The following SPECC1 variants were observed in gnomAD, a reference collection of about 807,000 sequenced individuals.
The protein encoded by SPECC1 is cytospin-B.
Under a neutral mutation model 104.1 loss-of-function variants are expected in SPECC1, and 62 were observed. The ratio of observed to expected loss-of-function variants is 0.60; its 90% confidence interval spans 0.49 to 0.74. SPECC1 has a LOEUF of 0.74. Ranked by LOEUF, SPECC1 falls within the 30% of genes least tolerant of loss-of-function variation. The pLI is 0.00. For synonymous variants in SPECC1, 513 were observed against 501.6 expected, an observed-to-expected ratio of 1.02 and a Z score of -0.30; for missense variants, 1,306 against 1,310.5, an observed-to-expected ratio of 1.00 and a Z score of 0.05.
At chr17:20,208,483 A>G (rs1489429986) in intron 4 of SPECC1, among the ~76,000 whole-genome samples, 1 of 152,232 alleles carries the variant, frequency 6.6e-6, no homozygotes, top group East Asian at 1.9e-4. Context: ...TAATCTGCCA[A>G]CAACCATGAA....
intron 5 of SPECC1, among the ~76,000 whole-genome samples, chr17:20,230,045 G>C (rs551394852): frequency 3.2e-4 from 49 of 152,300 alleles, no homozygotes; most frequent in African/African-American, 1.2e-3. Flanking sequence ...TACTTGCTAA[G>C]TGTTATTCAG....
At chr17:20,076,670 T>C (rs1229814573) in intron 1 of SPECC1, among the ~76,000 whole-genome samples, 1 of 152,218 alleles carries the variant, frequency 6.6e-6, no homozygotes, top group African/African-American at 2.4e-5. Flanking sequence ...CTTATGTTTT[T>C]GGGTTGTATC....
At chr17:20,109,111 G>GGGTGA (rs1176378619) in intron 2 of SPECC1, among the ~76,000 whole-genome samples, 1 of 152,192 alleles carries the variant, frequency 6.6e-6, no homozygotes, top group African/African-American at 2.4e-5. Flanking sequence ...AACTATGGTG[G>GGGTGA]GGTGAGGGTG....
At chr17:20,293,731 C>G (rs910896089) in intron 12 of SPECC1, among the ~76,000 whole-genome samples, 5 of 152,332 alleles carry the variant, frequency 3.3e-5, no homozygotes, top group African/African-American at 4.8e-5. Flanking sequence ...AGCTATGCCC[C>G]GCTTCTGCAA....
chr17:20,270,874 C>G (rs1293104702), intron 12 of SPECC1, among the ~76,000 whole-genome samples: 1 of 152,176 alleles, frequency 6.6e-6, no homozygotes, highest in Non-Finnish European at 1.5e-5. Context: ...GATACACCTA[C>G]TCTTTTGATC....
chr17:20,281,066 A>C (rs953645343), intron 12 of SPECC1, among the ~76,000 whole-genome samples: 28 of 152,276 alleles, frequency 1.8e-4, no homozygotes, highest in African/African-American at 5.8e-4. Context: ...CTCGTTTGCC[A>C]GGGGCTTCAT....
At chr17:20,081,870 C>G (rs746292864) in intron 1 of SPECC1, among the ~76,000 whole-genome samples, 1 of 152,130 alleles carries the variant, frequency 6.6e-6, no homozygotes, top group Non-Finnish European at 1.5e-5. Context: ...CAAAGCCACC[C>G]CAGGAGCCCC....
chr17:20,287,277 C>T (rs181250946), intron 12 of SPECC1, among the ~76,000 whole-genome samples: 18 of 151,952 alleles, frequency 1.2e-4, no homozygotes, highest in East Asian at 1.9e-4. Context: ...ATTAGCCGGG[C>T]GCGGTGGCGG....
intron 2 of SPECC1, among the ~76,000 whole-genome samples, chr17:20,108,550 C>T (rs1032521966): frequency 2.0e-5 from 3 of 152,124 alleles, no homozygotes; most frequent in Admixed American, 1.3e-4. Flanking sequence ...GATTGTGCAG[C>T]TTTTAAACTT....
intron 1 of SPECC1, among the ~76,000 whole-genome samples, chr17:20,025,678 A>T (rs1180332792): frequency 1.3e-5 from 2 of 152,168 alleles, no homozygotes; most frequent in Non-Finnish European, 2.9e-5. Context: ...ATGCCCATGT[A>T]CAAGTTTTTA....
chr17:20,226,954 G>C (rs138028482), intron 4 of SPECC1, among the ~76,000 whole-genome samples: 18 of 152,326 alleles, frequency 1.2e-4, no homozygotes, highest in Non-Finnish European at 2.5e-4. Context: ...CATAGCAGAT[G>C]TGCGGTGGGG....
At chr17:20,281,549 G>T (rs1411833577) in intron 12 of SPECC1, among the ~76,000 whole-genome samples, 1 of 152,306 alleles carries the variant, frequency 6.6e-6, no homozygotes, top group South Asian at 2.1e-4. Context: ...CTCGAGGGCT[G>T]AACCGCTAGT....
chr17:20,186,772 G>T (rs761756134), intron 3 of SPECC1, among the ~76,000 whole-genome samples: 2 of 152,108 alleles, frequency 1.3e-5, no homozygotes, highest in Non-Finnish European at 2.9e-5. Flanking sequence ...TCACTATGTT[G>T]CCCAGGCTGG....
chr17:20,019,612 C>T (rs1255186999), intron 1 of SPECC1, among the ~76,000 whole-genome samples: 1 of 152,128 alleles, frequency 6.6e-6, no homozygotes, highest in Non-Finnish European at 1.5e-5. Flanking sequence ...AGAAGTTTAG[C>T]TCAATATAGC....
chr17:20,106,785 G>A (rs2048219698), intron 2 of SPECC1, among the ~76,000 whole-genome samples: 1 of 152,154 alleles, frequency 6.6e-6, no homozygotes, highest in African/African-American at 2.4e-5. Flanking sequence ...CCAGTCTTGG[G>A]TATGTCTTTA....
intron 4 of SPECC1, among the ~76,000 whole-genome samples, chr17:20,218,885 A>G (rs1435918084): frequency 1.3e-5 from 2 of 152,158 alleles, no homozygotes; most frequent in Non-Finnish European, 2.9e-5. Flanking sequence ...ACTCCCACAA[A>G]TGAGTGAGAA....
At chr17:20,125,247 T>A (rs1384704303) in intron 3 of SPECC1, among the ~76,000 whole-genome samples, 2 of 152,208 alleles carry the variant, frequency 1.3e-5, no homozygotes, top group East Asian at 3.8e-4. Context: ...CCTAATTTAC[T>A]GGAAGTGAAA....
intron 3 of SPECC1, among the ~76,000 whole-genome samples, chr17:20,180,993 T>C (rs1407222192): frequency 1.4e-5 from 1 of 73,430 alleles, no homozygotes. Flanking sequence ...CCAGTGAAAT[T>C]AGTGGTAAAA....
chr17:20,256,406 A>G, intron 10 of SPECC1, among the ~76,000 whole-genome samples: 1 of 152,166 alleles, frequency 6.6e-6, no homozygotes, highest in East Asian at 1.9e-4. Context: ...TGGAAGCTGC[A>G]GAAACCAAAG....
Sources: gnomAD v4.1 joint callset for allele counts (sites outside exome capture counted in the v4.1 genomes callset) on GRCh38, gnomAD v4.1.1 for gene constraint, MANE v1.5 for transcripts, NCBI Gene and HGNC (gene_info 2026-07-23, HGNC 2026-07-21) for gene names.